The following SLC24A3 variants were observed in gnomAD, a reference collection of about 807,000 sequenced individuals.
SLC24A3 encodes solute carrier family 24 member 3, also known as sodium/potassium/calcium exchanger 3.
In SLC24A3, 28 loss-of-function variants were observed where a neutral mutation model predicts 75.8. The ratio of observed to expected loss-of-function variants is 0.37; its 90% confidence interval spans 0.27 to 0.51. SLC24A3 has a LOEUF of 0.51. Ranked by LOEUF, SLC24A3 falls within the 20% of genes least tolerant of loss-of-function variation. SLC24A3 has a pLI of 0.94. For missense variants in SLC24A3, 663 were observed against 847.8 expected (o/e 0.78, Z 2.71); for synonymous variants, 372 against 334.1 (o/e 1.11, Z -1.24).
chr20:19,349,087 T>C (rs1282385694), intron 2 of SLC24A3, among the ~76,000 whole-genome samples: 2 of 152,192 alleles, frequency 1.3e-5, no homozygotes, highest in Non-Finnish European at 2.9e-5. Flanking sequence ...CAATACATAA[T>C]TACCAAGCAA....
chr20:19,469,866 A>G (rs1987837506), intron 2 of SLC24A3, among the ~76,000 whole-genome samples: 1 of 152,200 alleles, frequency 6.6e-6, no homozygotes, highest in Non-Finnish European at 1.5e-5. Context: ...CCATTCAAGC[A>G]TGTCATCTTG....
intron 2 of SLC24A3, among the ~76,000 whole-genome samples, chr20:19,461,047 T>C (rs892554514): frequency 6.6e-5 from 10 of 152,176 alleles, no homozygotes; most frequent in Non-Finnish European, 1.5e-4. Flanking sequence ...CCATAGCACA[T>C]TGAGGTCTCC....
chr20:19,285,506 A>G (rs1983792453), intron 2 of SLC24A3, among the ~76,000 whole-genome samples: 1 of 135,196 alleles, frequency 7.4e-6, no homozygotes, highest in Non-Finnish European at 1.6e-5. Flanking sequence ...AAAAAAAGGC[A>G]TTTTTCCTTT....
intron 15 of SLC24A3, among the ~76,000 whole-genome samples, chr20:19,702,678 CT>C (rs2032888471): frequency 6.6e-6 from 1 of 151,834 alleles, no homozygotes; most frequent in Admixed American, 6.6e-5. Context: ...GCAGACCACT[CT>C]TTTGAAAGTA....
At chr20:19,715,406 G>A (rs1264189142) in intron 15 of SLC24A3, among the ~76,000 whole-genome samples, 1 of 152,154 alleles carries the variant, frequency 6.6e-6, no homozygotes, top group African/African-American at 2.4e-5. Flanking sequence ...GAATTAACCA[G>A]GTTAAGCCAT....
rs1225914310 is a variant in SLC24A3 at position 19,430,102 on chromosome 20, C to G, written c.272-85386C>G. On this transcript the variant is annotated intron_variant, in intron 2 of 16. Transcript: ENST00000328041. ...AGGGATTTGGTTTGATCTTTCTTCC[C>G]CAGCCCCCGACCCCACCCTAATACT... Among the ~76,000 whole-genome samples, 3 of 152,028 alleles carry G rather than the reference C, an allele frequency of 2.0e-5. 1 individual carries two copies. The highest frequency in any genetic ancestry group is 2.0e-4 in the Admixed American group (3 of 15,262).
intron 2 of SLC24A3, among the ~76,000 whole-genome samples, chr20:19,468,232 T>A (rs1253571150): frequency 6.6e-6 from 1 of 152,058 alleles, no homozygotes; most frequent in Non-Finnish European, 1.5e-5. Context: ...AAGATAGGGA[T>A]CTGTTTGTAA....
intron 2 of SLC24A3, among the ~76,000 whole-genome samples, chr20:19,364,520 G>A (rs1426684647): frequency 6.6e-6 from 1 of 151,882 alleles, no homozygotes; most frequent in African/African-American, 2.4e-5. Flanking sequence ...CAGTGGTGCA[G>A]TCATGTTTCA....
At chr20:19,315,413 A>C (rs534436455) in intron 2 of SLC24A3, among the ~76,000 whole-genome samples, 1 of 152,294 alleles carries the variant, frequency 6.6e-6, no homozygotes, top group East Asian at 1.9e-4. Flanking sequence ...GGGATTTTCT[A>C]TCCAGCACCA....
chr20:19,560,377 C>T (rs562599487), intron 3 of SLC24A3, among the ~76,000 whole-genome samples: 2 of 152,322 alleles, frequency 1.3e-5, no homozygotes, highest in South Asian at 2.1e-4. Flanking sequence ...TTTTAAAACC[C>T]GGGCACTTTC....
intron 6 of SLC24A3, among the ~76,000 whole-genome samples, chr20:19,604,086 T>C (rs1229822028): frequency 6.6e-6 from 1 of 152,198 alleles, no homozygotes; most frequent in Non-Finnish European, 1.5e-5. Context: ...GGGGATATGA[T>C]GGTGACCAAG....
chr20:19,551,457 C>A (rs1019353626), intron 3 of SLC24A3, among the ~76,000 whole-genome samples: 7 of 152,118 alleles, frequency 4.6e-5, no homozygotes, highest in African/African-American at 1.7e-4. Flanking sequence ...AATATTAAAA[C>A]AGAAGTGGTA....
At chr20:19,616,901 C>A (rs568021471) in intron 6 of SLC24A3, among the ~76,000 whole-genome samples, 1 of 152,266 alleles carries the variant, frequency 6.6e-6, no homozygotes, top group African/African-American at 2.4e-5. Flanking sequence ...CCATTTCCTG[C>A]AGATGCCCCG....
intron 9 of SLC24A3, among the ~76,000 whole-genome samples, chr20:19,673,913 T>C (rs2032496718): frequency 6.6e-6 from 1 of 152,222 alleles, no homozygotes; most frequent in Non-Finnish European, 1.5e-5. Context: ...CCCTAATCTC[T>C]CTTCAGGATC....
In SLC24A3 at chr20:19,721,050, C is replaced by G. The variant is rs2033099911; in HGVS notation, c.1845C>G (p.Leu615=). ...ACAAGAAGCTGGGCTGTGGGTGCCT[C>G]CTCCTGTATGGTGTGTTCCTGTGCT... ...QLDKKLGCGC[L]LLYGVFLCFS... Residue 615 remains leucine, a synonymous_variant, in exon 17 of 17, where the codon CTC becomes CTG. Coordinates refer to ENST00000328041, the MANE Select transcript of SLC24A3 (RefSeq NM_020689.4). The G allele has an allele frequency of 6.2e-7, 1 of 1,614,148 alleles. No individual in the cohort carries two copies. The highest frequency in any genetic ancestry group is 1.7e-5 in the Admixed American group (1 of 60,028).
intron 3 of SLC24A3, among the ~76,000 whole-genome samples, chr20:19,557,988 G>T (rs1186713992): frequency 6.6e-6 from 1 of 152,156 alleles, no homozygotes; most frequent in Non-Finnish European, 1.5e-5. Context: ...TGCATGGGTA[G>T]GTGGATGGAT....
In SLC24A3 at chr20:19,538,103, C is replaced by T. The variant is rs1297657997; in HGVS notation, c.348+22539C>T. Among the ~76,000 whole-genome samples, 4 of 152,204 alleles carry T rather than the reference C, an allele frequency of 2.6e-5. No individual in the cohort carries two copies. In the East Asian group the frequency reaches 5.8e-4, roughly 22 times the overall value. ...CATAGTATCTGTCCAAGATACAGTA[C>T]ATGTTAAGCCACGGTGTGGTTTCCA... On this transcript the variant is annotated intron_variant, in intron 3 of 16. Coordinates refer to ENST00000328041, the MANE Select transcript of SLC24A3 (RefSeq NM_020689.4).
At chr20:19,521,266 TGGTCA>T (rs566656995) in intron 3 of SLC24A3, among the ~76,000 whole-genome samples, 247 of 152,328 alleles carry the variant, frequency 1.6e-3, no homozygotes, top group African/African-American at 5.9e-3. Flanking sequence ...CTCCCGGCAC[TGGTCA>T]GTTTCCTAAT....
intron 2 of SLC24A3, among the ~76,000 whole-genome samples, chr20:19,326,588 T>C (rs1484162155): frequency 6.6e-6 from 1 of 150,718 alleles, no homozygotes; most frequent in Admixed American, 6.6e-5. Context: ...TTTTTTTTTT[T>C]TTTTCTTGAG....
Sources: allele counts gnomAD v4.1 joint callset (sites outside exome capture counted in the v4.1 genomes callset), GRCh38; gene constraint gnomAD v4.1.1; transcripts MANE v1.5; gene names NCBI Gene and HGNC (gene_info 2026-07-23, HGNC 2026-07-21).